CACNA2D3: variants seen among roughly 807,000 people sequenced by gnomAD.
CACNA2D3 encodes calcium voltage-gated channel auxiliary subunit alpha2delta 3, also known as voltage-dependent calcium channel subunit alpha-2/delta-3.
In CACNA2D3, 60 loss-of-function variants were observed where a neutral mutation model predicts 160.6. That is an observed-to-expected ratio of 0.37 (90% confidence interval 0.30 to 0.46). CACNA2D3 has a LOEUF of 0.46. CACNA2D3 is among the 20% of genes least tolerant of loss of function. The pLI is 1.00. For synonymous variants in CACNA2D3, 558 were observed against 492.9 expected, an observed-to-expected ratio of 1.13 and a Z score of -1.75; for missense variants, 1,205 against 1,365.0, an observed-to-expected ratio of 0.88 and a Z score of 1.85.
chr3:54,555,976 GA>G, intron 5 of CACNA2D3, among the ~76,000 whole-genome samples: 1 of 152,238 alleles, frequency 6.6e-6, no homozygotes, highest in Middle Eastern at 3.4e-3. Context: ...ATGAAAATCT[GA>G]ATTGTTCCCA....
At chr3:54,557,720 A>C (rs565597479) in intron 5 of CACNA2D3, among the ~76,000 whole-genome samples, 22 of 152,310 alleles carry the variant, frequency 1.4e-4, no homozygotes, top group African/African-American at 4.8e-4. Context: ...GTGAGTCACA[A>C]TAATCGTTAT....
chr3:54,602,041 A>G (rs978029742), intron 9 of CACNA2D3, among the ~76,000 whole-genome samples: 7 of 152,136 alleles, frequency 4.6e-5, no homozygotes, highest in Non-Finnish European at 7.3e-5. Flanking sequence ...AGAGAAAAAA[A>G]TGTCCATAAA....
At chr3:54,536,467 C>T (rs947506789) in intron 5 of CACNA2D3, among the ~76,000 whole-genome samples, 3 of 152,240 alleles carry the variant, frequency 2.0e-5, no homozygotes, top group Non-Finnish European at 2.9e-5. Context: ...TGGGGACCCA[C>T]CCCACAAGGG....
rs1195936746 is a variant in CACNA2D3 at position 54,162,225 on chromosome 3, G to A, written c.204+38631G>A. Among the ~76,000 whole-genome samples, 6 of 152,280 alleles carry A rather than the reference G, an allele frequency of 3.9e-5. No individual in the cohort carries two copies. In the East Asian group the frequency reaches 9.6e-4, roughly 24 times the overall value. On this transcript the variant is annotated intron_variant, in intron 2 of 37. Coordinates refer to ENST00000474759, the MANE Select transcript of CACNA2D3 (RefSeq NM_018398.3). ...ACGACACACCGCAAAACTTCATTGC[G>A]AAAAATAACCATTTTGGTGTGCTCA... is the stretch of plus-strand genomic sequence containing the variant.
At chr3:54,571,911 A>C (rs755827633) in intron 8 of CACNA2D3, among the ~76,000 whole-genome samples, 6 of 152,104 alleles carry the variant, frequency 3.9e-5, no homozygotes, top group Non-Finnish European at 8.8e-5. Context: ...GGATCATCTG[A>C]GTTGATGCAC....
At chr3:54,212,115 A>G (rs753441033) in intron 2 of CACNA2D3, among the ~76,000 whole-genome samples, 2 of 152,236 alleles carry the variant, frequency 1.3e-5, no homozygotes, top group Non-Finnish European at 2.9e-5. Context: ...ACCCAAAAGT[A>G]TCTGAGACAG....
intron 4 of CACNA2D3, among the ~76,000 whole-genome samples, chr3:54,412,998 T>A (rs1322630737): frequency 6.6e-6 from 1 of 151,894 alleles, no homozygotes; most frequent in Non-Finnish European, 1.5e-5. Context: ...TTCCTTCATA[T>A]AGAGTTGAGT....
intron 13 of CACNA2D3, 86 bp from the exon 14 acceptor site, chr3:54,816,767 T>C (rs1703467368): frequency 6.6e-7 from 1 of 1,505,580 alleles, no homozygotes; most frequent in African/African-American, 1.4e-5. Flanking sequence ...CATTTGCAAA[T>C]GGCAAGAAAA....
chr3:54,792,090 C>G (rs1702769157), intron 13 of CACNA2D3, among the ~76,000 whole-genome samples: 1 of 152,110 alleles, frequency 6.6e-6, no homozygotes, highest in African/African-American at 2.4e-5. Context: ...TGGTTAGTTC[C>G]CTGAATATCC....
At chr3:54,918,155 C>A in intron 27 of CACNA2D3, 1 of 273,738 alleles carries the variant, frequency 3.7e-6, no homozygotes, top group East Asian at 7.4e-5. Flanking sequence ...AGAAGAGTAC[C>A]TGGAAGAGAT....
At chr3:54,992,734 T>C (rs1702768042) in intron 31 of CACNA2D3, among the ~76,000 whole-genome samples, 1 of 150,754 alleles carries the variant, frequency 6.6e-6, no homozygotes, top group African/African-American at 2.4e-5. Context: ...ATGGTGCTTG[T>C]GTTAGTCGGT....
At chr3:54,173,366 A>G (rs189957008) in intron 2 of CACNA2D3, among the ~76,000 whole-genome samples, 10 of 152,356 alleles carry the variant, frequency 6.6e-5, no homozygotes, top group Admixed American at 5.2e-4. Context: ...GATTTGGGCA[A>G]CAATTAGTAT....
At chr3:54,286,854 A>C (rs1163444126) in intron 2 of CACNA2D3, among the ~76,000 whole-genome samples, 1 of 152,100 alleles carries the variant, frequency 6.6e-6, no homozygotes, top group Non-Finnish European at 1.5e-5. Context: ...GAGAAATAAA[A>C]TACTTTACAG....
At chr3:54,848,733 G>A (rs1417387156) in intron 17 of CACNA2D3, among the ~76,000 whole-genome samples, 1 of 152,208 alleles carries the variant, frequency 6.6e-6, no homozygotes, top group East Asian at 1.9e-4. Context: ...ATCACACTGT[G>A]AAGCTCAACT....
intron 35 of CACNA2D3, among the ~76,000 whole-genome samples, chr3:55,058,488 G>T (rs945897224): frequency 6.6e-6 from 1 of 152,054 alleles, no homozygotes; most frequent in Non-Finnish European, 1.5e-5. Flanking sequence ...AGGCCACTAA[G>T]GAGGGATTTC....
At chr3:54,656,870 T>C (rs1426670034) in intron 11 of CACNA2D3, among the ~76,000 whole-genome samples, 1 of 152,194 alleles carries the variant, frequency 6.6e-6, no homozygotes, top group African/African-American at 2.4e-5. Context: ...CATGCGGATG[T>C]ATGTATATGC....
Position 54,313,322 on chromosome 3 carries a change from T to C in CACNA2D3, c.205-7120T>C, listed in dbSNP as rs181006683. Among the ~76,000 whole-genome samples, 81 of 152,272 alleles carry C rather than the reference T, an allele frequency of 5.3e-4. 1 individual carries two copies. Among genetic ancestry groups the C allele is most frequent in the African/African-American group, 1.9e-3 (79 of 41,554 alleles). ...CTCATTCCTCTGCCTCTTATGGCCC[T>C]TCCCCATTGCCATCTTTCGAGTCCT... On this transcript the variant is annotated intron_variant, in intron 2 of 37. Coordinates refer to ENST00000474759, the MANE Select transcript of CACNA2D3 (RefSeq NM_018398.3).
chr3:54,253,987 A>C (rs1702246490), intron 2 of CACNA2D3, among the ~76,000 whole-genome samples: 1 of 151,962 alleles, frequency 6.6e-6, no homozygotes, highest in Non-Finnish European at 1.5e-5. Flanking sequence ...GGCTGGTTTT[A>C]AACTCCTGAC....
At chr3:54,413,092 T>A (rs1279202569) in intron 4 of CACNA2D3, among the ~76,000 whole-genome samples, 1 of 151,854 alleles carries the variant, frequency 6.6e-6, no homozygotes, top group African/African-American at 2.4e-5. Context: ...GCAATACCAC[T>A]CAGCTTTTGT....
Sources: allele counts gnomAD v4.1 joint callset (sites outside exome capture counted in the v4.1 genomes callset), GRCh38; gene constraint gnomAD v4.1.1; transcripts MANE v1.5; gene names NCBI Gene and HGNC (gene_info 2026-07-23, HGNC 2026-07-21).